The following CEP128 variants were observed in gnomAD, a reference collection of about 807,000 sequenced individuals.
CEP128 encodes the protein centrosomal protein 128.
A neutral mutation model predicts 156.7 loss-of-function variants in CEP128; 132 were observed. The ratio of observed to expected loss-of-function variants is 0.84; its 90% CI spans 0.73 to 0.97. The LOEUF (loss-of-function observed/expected upper bound fraction) is 0.97. Among genes scored for constraint, CEP128 ranks in the 50% least tolerant of loss-of-function variants. The pLI, the probability that CEP128 is intolerant of heterozygous loss-of-function variation, is 0.00. For synonymous variants in CEP128, 469 were observed against 448.9 expected, an observed-to-expected ratio of 1.04 and a Z score of -0.57; for missense variants, 1,252 against 1,281.9, an observed-to-expected ratio of 0.98 and a Z score of 0.36.
intron 18 of CEP128, among the ~76,000 whole-genome samples, chr14:80,748,377 C>T (rs1899213248): frequency 6.6e-6 from 1 of 152,134 alleles, no homozygotes; most frequent in South Asian, 2.1e-4. Context: ...TCTACTGAAG[C>T]ACTAACGAAG....
chr14:80,722,375 T>C (rs745589754), intron 19 of CEP128, among the ~76,000 whole-genome samples: 17 of 152,148 alleles, frequency 1.1e-4, no homozygotes, highest in Non-Finnish European at 2.4e-4. Context: ...TGGCTAAATA[T>C]TGTGAGACCC....
intron 13 of CEP128, among the ~76,000 whole-genome samples, chr14:80,799,775 G>A (rs931319331): frequency 1.3e-5 from 2 of 152,068 alleles, no homozygotes; most frequent in Admixed American, 1.3e-4. Context: ...CTCTGCCCCT[G>A]GTAAATTTGT....
chr14:80,684,664 C>A (rs1896455731), intron 19 of CEP128, among the ~76,000 whole-genome samples: 1 of 146,198 alleles, frequency 6.8e-6, no homozygotes, highest in South Asian at 2.2e-4. Flanking sequence ...AACTGCAAGT[C>A]AATATCTCTG....
At chr14:80,587,364 T>C (rs2140470691) in intron 19 of CEP128, among the ~76,000 whole-genome samples, 1 of 152,278 alleles carries the variant, frequency 6.6e-6, no homozygotes, top group Non-Finnish European at 1.5e-5. Context: ...TGAAACAACA[T>C]GCTGGTCTAC....
In CEP128 at chr14:80,950,840, C is replaced by T. The variant is rs149991774; in HGVS notation, c.-172+7338G>A. Among the ~76,000 whole-genome samples the T allele has an allele frequency of 7.7e-4, 109 of 141,066 alleles. No homozygotes were observed. In the East Asian group the frequency reaches 0.023, roughly 30 times the overall value. 92.5% of individuals were successfully genotyped at this position (141,066 alleles called of 152,430 possible). ...AGCACAGGAAACTTGAAGAAAAGTA[C>T]ATCAAGGCACATTACAGTGAAATTG... On this transcript the variant is annotated intron_variant, in intron 2 of 7. Coordinates refer to the CEP128 transcript ENST00000555529.
At chr14:80,906,702 T>C (rs907959976) in intron 4 of CEP128, among the ~76,000 whole-genome samples, 4 of 152,006 alleles carry the variant, frequency 2.6e-5, no homozygotes, top group Non-Finnish European at 4.4e-5. Context: ...AGGGAACATA[T>C]AAAAACATAC....
At chr14:80,612,287 G>C (rs190605419) in intron 19 of CEP128, among the ~76,000 whole-genome samples, 1 of 152,186 alleles carries the variant, frequency 6.6e-6, no homozygotes, top group Admixed American at 6.5e-5. Context: ...ATCTCAAAAT[G>C]ATTTGGTAAA....
In CEP128 at chr14:80,608,296, G is replaced by C. The variant is rs142551440; in HGVS notation, c.2807-27873C>G. 1.2e-3 allele frequency among the ~76,000 whole-genome samples: 184 copies of C among 152,278 alleles called. 3 individuals are homozygous for C. The Middle Eastern group carries it at 0.024, about 20-fold the overall frequency. On this transcript the variant is annotated intron_variant, in intron 19 of 24. Transcript: ENST00000555265. Reference sequence around the variant, plus strand: ...GCACCATAATGTTCTTGAGATACTTGTTCAGGAACTAAATAACTCAGGCAC... The same window carrying C: ...GCACCATAATGTTCTTGAGATACTTCTTCAGGAACTAAATAACTCAGGCAC...
intron 19 of CEP128, among the ~76,000 whole-genome samples, chr14:80,673,671 A>AAAAAAAG (rs1895944752): frequency 2.1e-5 from 3 of 145,920 alleles, no homozygotes; most frequent in East Asian, 4.0e-4. Flanking sequence ...AAAAAAAAAA[A>AAAAAAAG]TGTACTAAAG....
At chr14:80,844,534 T>A (rs1013714900) in intron 9 of CEP128, among the ~76,000 whole-genome samples, 3 of 152,074 alleles carry the variant, frequency 2.0e-5, no homozygotes, top group African/African-American at 4.8e-5. Flanking sequence ...ATTTTCCCGA[T>A]GGAAATGGTA....
At chr14:80,734,281 T>TA (rs1158466005) in intron 19 of CEP128, among the ~76,000 whole-genome samples, 1 of 152,048 alleles carries the variant, frequency 6.6e-6, no homozygotes, top group Non-Finnish European at 1.5e-5. Flanking sequence ...TACAGAATAA[T>TA]AAAACTAGCC....
chr14:80,793,165 G>A, intron 13 of CEP128, 55 bp from the exon 14 acceptor site: 1 of 1,347,444 alleles, frequency 7.4e-7, no homozygotes, highest in Admixed American at 1.9e-5. Flanking sequence ...AATTGGATGT[G>A]TAGCATATCA....
intron 19 of CEP128, among the ~76,000 whole-genome samples, chr14:80,619,785 C>T (rs1428740948): frequency 2.0e-5 from 3 of 151,352 alleles, no homozygotes; most frequent in African/African-American, 7.3e-5. Context: ...ATAGCCTTTG[C>T]TACAAAATTT....
chr14:80,538,740 A>G (rs1467252807), intron 21 of CEP128, among the ~76,000 whole-genome samples: 1 of 152,208 alleles, frequency 6.6e-6, no homozygotes. Context: ...GCATGTAATG[A>G]AAAGCACAAA....
At chr14:80,848,713 G>T (rs1566668713) in intron 9 of CEP128, among the ~76,000 whole-genome samples, 2 of 151,296 alleles carry the variant, frequency 1.3e-5, no homozygotes, top group South Asian at 2.1e-4. Flanking sequence ...AGAAAATTAG[G>T]GTGAGAGGAA....
In CEP128 at chr14:80,497,334, T is replaced by C. The variant is rs926569757; in HGVS notation, c.*145A>G. 1.5e-5 allele frequency: 9 copies of C among 601,806 alleles called. No homozygotes were observed. The highest frequency in any genetic ancestry group is 6.1e-5 in the Admixed American group (2 of 32,620). The allele number at this position is 601,806 out of a possible 1,614,324, so 37.3% of individuals were successfully genotyped here. On this transcript the variant is annotated 3_prime_UTR_variant, in exon 25 of 25. Transcript: ENST00000555265. ...TTACCATTCACAAGGACCAACAGTA[T>C]TGTCACTTTTGTCAATGTTTGGCAA...
At chr14:80,803,376 G>A (rs1323988012) in intron 13 of CEP128, among the ~76,000 whole-genome samples, 2 of 148,454 alleles carry the variant, frequency 1.3e-5, no homozygotes, top group East Asian at 1.9e-4. Flanking sequence ...AAAATAGGTA[G>A]TGGCTAAGGA....
At chr14:80,592,837 T>A (rs778967359) in intron 19 of CEP128, among the ~76,000 whole-genome samples, 4 of 152,220 alleles carry the variant, frequency 2.6e-5, no homozygotes, top group Admixed American at 1.3e-4. Flanking sequence ...GATGCAAGGC[T>A]GGTTCAGCAT....
At position 80,777,964 on chromosome 14, in the gene CEP128, G is replaced by A. The variant is rs759217401; in HGVS notation, c.2294C>T (p.Thr765Ile). The change falls in exon 16 of 25, where the codon ACA (threonine) becomes ATA (isoleucine). Residue 765 changes from threonine to isoleucine, a missense_variant. Thr to Ile is a moderately conservative substitution (Grantham distance 89, BLOSUM62 -1). Transcript: ENST00000555265. ...EKLKSQCDRL[T>I]EELTQNENEN... ...ATTTTCATTCTGGGTTAATTCCTCT[G>A]TCAGTCTGTCACACTGTGATTTCAA... is the stretch of plus-strand genomic sequence containing the variant. 3.1e-6 allele frequency: 5 copies of A among 1,612,434 alleles called. No individual in the cohort carries two copies. The highest frequency in any genetic ancestry group is 1.7e-5 in the Admixed American group (1 of 59,972).
Sources: allele counts gnomAD v4.1 joint callset (sites outside exome capture counted in the v4.1 genomes callset), GRCh38; gene constraint gnomAD v4.1.1; transcripts MANE v1.5; gene names NCBI Gene and HGNC (gene_info 2026-07-23, HGNC 2026-07-21).